The following KCNIP4 variants were observed in gnomAD, a reference collection of about 807,000 sequenced individuals.
KCNIP4 encodes the protein Kv channel-interacting protein 4.
Under a neutral mutation model 34.0 loss-of-function variants are expected in KCNIP4, and 12 were observed. That is an observed-to-expected ratio of 0.35 (90% CI 0.23 to 0.57). The LOEUF (loss-of-function observed/expected upper bound fraction) is 0.57, where lower values mean the gene tolerates loss of function less well. KCNIP4 is among the 20% of genes least tolerant of loss of function. KCNIP4 has a pLI of 0.83. For synonymous variants in KCNIP4, 124 were observed against 102.2 expected (o/e 1.21, Z -1.29); for missense variants, 238 against 311.7 (o/e 0.76, Z 1.78).
intron 1 of KCNIP4, among the ~76,000 whole-genome samples, chr4:21,466,220 T>A (rs28485209): frequency 0.022 from 3,340 of 152,228 alleles, 123 homozygotes; most frequent in East Asian, 0.12. Flanking sequence ...CTCTGCCCAG[T>A]CAAATTATGA....
chr4:20,894,169 C>T (rs1007116565), intron 1 of KCNIP4, among the ~76,000 whole-genome samples: 1 of 152,208 alleles, frequency 6.6e-6, no homozygotes, highest in African/African-American at 2.4e-5. Flanking sequence ...GCGTGAGCCA[C>T]CGGGTTGAAG....
chr4:21,320,964 T>TAAATAAAAAAAAAAAAAAAAAAAAA (rs1714326956), intron 1 of KCNIP4, among the ~76,000 whole-genome samples: 1 of 102,918 alleles, frequency 9.7e-6, no homozygotes, highest in African/African-American at 4.6e-5. Context: ...GAATCTGTCT[T>TAAATAAAAAAAAAAAAAAAAAAAAA]AAAAAAAAAA....
intron 1 of KCNIP4, among the ~76,000 whole-genome samples, chr4:21,626,377 CTTG>C (rs1466225864): frequency 1.4e-5 from 2 of 142,996 alleles, no homozygotes; most frequent in Non-Finnish European, 3.1e-5. Context: ...TACCAGAGAG[CTTG>C]TTTTTTTTGT....
At chr4:21,521,828 T>C (rs760381248) in intron 1 of KCNIP4, among the ~76,000 whole-genome samples, 1 of 152,090 alleles carries the variant, frequency 6.6e-6, no homozygotes, top group Non-Finnish European at 1.5e-5. Flanking sequence ...ATGGAAGTTG[T>C]TTCAATGATG....
At chr4:21,206,372 C>G (rs1756853170) in intron 1 of KCNIP4, among the ~76,000 whole-genome samples, 1 of 152,124 alleles carries the variant, frequency 6.6e-6, no homozygotes, top group South Asian at 2.1e-4. Context: ...TCCTGAGAGT[C>G]AAACAGACTT....
intron 1 of KCNIP4, among the ~76,000 whole-genome samples, chr4:20,890,772 C>T (rs1365709842): frequency 1.3e-5 from 2 of 152,118 alleles, no homozygotes; most frequent in Non-Finnish European, 2.9e-5. Flanking sequence ...TCTAACTGTG[C>T]TCTAACTAAA....
chr4:21,270,233 T>C (rs1362308750), intron 1 of KCNIP4, among the ~76,000 whole-genome samples: 1 of 151,990 alleles, frequency 6.6e-6, no homozygotes, highest in East Asian at 1.9e-4. Context: ...TACACGGAAA[T>C]CCAGAATGCC....
In KCNIP4 at chr4:21,166,641, C is replaced by A. The variant is rs530934329; in HGVS notation, c.62-283932G>T. 2.4e-4 allele frequency among the ~76,000 whole-genome samples: 37 copies of A among 152,130 alleles called. No homozygotes were observed. The South Asian group carries it at 7.5e-3, about 31-fold the overall frequency. On this transcript the variant is annotated intron_variant, in intron 1 of 8. Coordinates refer to ENST00000382152, the MANE Select transcript of KCNIP4 (RefSeq NM_025221.6). ...AAAGTGGAACAACCCAAATGCCCAA[C>A]AAGAAGTGAGTGGATGGCCTGGTGC...
At chr4:21,425,856 C>T (rs540518973) in intron 1 of KCNIP4, among the ~76,000 whole-genome samples, 1 of 151,782 alleles carries the variant, frequency 6.6e-6, no homozygotes, top group African/African-American at 2.4e-5. Flanking sequence ...TTGATACCAG[C>T]CTAGGTAATA....
At chr4:21,486,736 T>C (rs1202758388) in intron 1 of KCNIP4, among the ~76,000 whole-genome samples, 1 of 152,208 alleles carries the variant, frequency 6.6e-6, no homozygotes, top group Non-Finnish European at 1.5e-5. Context: ...TTCCCATATA[T>C]GCTGTATGCA....
chr4:21,844,304 T>C (rs1459566241), intron 1 of KCNIP4: 1 of 152,118 alleles, frequency 6.6e-6, no homozygotes, highest in Non-Finnish European at 1.5e-5. Context: ...GCCTGCACAG[T>C]GAGATATACA....
At chr4:21,661,640 G>A (rs1370384768) in intron 1 of KCNIP4, among the ~76,000 whole-genome samples, 1 of 152,168 alleles carries the variant, frequency 6.6e-6, no homozygotes, top group Non-Finnish European at 1.5e-5. Context: ...GTGGCTCAGA[G>A]TGATGAGCCA....
chr4:21,933,720 C>T (rs1469629494), intron 1 of KCNIP4, among the ~76,000 whole-genome samples: 2 of 152,014 alleles, frequency 1.3e-5, no homozygotes, highest in African/African-American at 2.4e-5. Flanking sequence ...TGTCCTGACA[C>T]CCAGAGAGAA....
chr4:21,748,666 G>A (rs995667711), intron 1 of KCNIP4, among the ~76,000 whole-genome samples: 1 of 152,062 alleles, frequency 6.6e-6, no homozygotes, highest in Non-Finnish European at 1.5e-5. Context: ...TTTTGGAAGG[G>A]GTGTAATCTG....
chr4:21,455,762 C>T (rs1728872505), intron 1 of KCNIP4, among the ~76,000 whole-genome samples: 2 of 143,442 alleles, frequency 1.4e-5, no homozygotes, highest in Admixed American at 1.4e-4. Context: ...CTGTTCCTCT[C>T]CCTATATATG....
chr4:21,624,716 A>G (rs1745213191), intron 1 of KCNIP4, among the ~76,000 whole-genome samples: 1 of 152,176 alleles, frequency 6.6e-6, no homozygotes, highest in South Asian at 2.1e-4. Flanking sequence ...AAAATATAAA[A>G]TCTGAAAATG....
chr4:21,518,318 C>T (rs1295377318), intron 1 of KCNIP4, among the ~76,000 whole-genome samples: 2 of 152,096 alleles, frequency 1.3e-5, no homozygotes, highest in Non-Finnish European at 2.9e-5. Context: ...TGCTTTCTTC[C>T]CTTTCTTCTT....
At chr4:21,512,776 G>A (rs906990495) in intron 1 of KCNIP4, among the ~76,000 whole-genome samples, 2 of 152,136 alleles carry the variant, frequency 1.3e-5, no homozygotes, top group Admixed American at 6.6e-5. Context: ...AAAATCTATT[G>A]GAAATGTTAA....
chr4:21,880,209 T>C (rs1463737759), intron 1 of KCNIP4, among the ~76,000 whole-genome samples: 1 of 152,212 alleles, frequency 6.6e-6, no homozygotes, highest in Non-Finnish European at 1.5e-5. Context: ...ACTGCATTTA[T>C]TGACCAAAAA....
Sources: gnomAD v4.1 joint callset for allele counts (sites outside exome capture counted in the v4.1 genomes callset) on GRCh38, gnomAD v4.1.1 for gene constraint, MANE v1.5 for transcripts, NCBI Gene and HGNC (gene_info 2026-07-23, HGNC 2026-07-21) for gene names.